The following GLG1 variants were observed in gnomAD, a reference collection of about 807,000 sequenced individuals.
GLG1 encodes the protein golgi glycoprotein 1, also known as Golgi apparatus protein 1.
A neutral mutation model predicts 160.5 loss-of-function variants in GLG1; 38 were observed. The ratio of observed to expected loss-of-function variants is 0.24; its 90% CI spans 0.18 to 0.31. GLG1 has a LOEUF of 0.31. Ranked by LOEUF, GLG1 falls within the 10% of genes least tolerant of loss-of-function variation. GLG1 has a pLI of 1.00. For missense variants in GLG1, 1,373 were observed against 1,505.2 expected (o/e 0.91, Z 1.45); for synonymous variants, 644 against 543.4 (o/e 1.19, Z -2.57).
chr16:74,483,219 G>A (rs1362871960), intron 9 of GLG1, 95 bp from the exon 10 acceptor site: 7 of 740,250 alleles, frequency 9.5e-6, no homozygotes, highest in South Asian at 9.4e-5. Flanking sequence ...GCGGCTTTTA[G>A]TTATTTTCTT....
chr16:74,580,328 A>T (rs1957910263), intron 1 of GLG1, among the ~76,000 whole-genome samples: 1 of 151,898 alleles, frequency 6.6e-6, no homozygotes, highest in African/African-American at 2.4e-5. Flanking sequence ...CTACAAAAAA[A>T]ACTAAAAAAA....
At chr16:74,505,994 C>T (rs1047735249) in intron 3 of GLG1, among the ~76,000 whole-genome samples, 2 of 136,404 alleles carry the variant, frequency 1.5e-5, no homozygotes, top group South Asian at 2.4e-4. Flanking sequence ...TGCACCACTG[C>T]ACTTCAGCCC....
intron 1 of GLG1, among the ~76,000 whole-genome samples, chr16:74,586,533 G>A (rs1958057621): frequency 6.6e-6 from 1 of 151,874 alleles, no homozygotes; most frequent in South Asian, 2.1e-4. Flanking sequence ...GGAGTGCAGT[G>A]GCACAATCAT....
intron 1 of GLG1, among the ~76,000 whole-genome samples, chr16:74,533,220 C>G (rs1195413784): frequency 6.6e-6 from 1 of 152,126 alleles, no homozygotes; most frequent in Admixed American, 6.5e-5. Context: ...ACTCTGGAGG[C>G]AGAGGCAGGA....
At chr16:74,473,493 G>A in intron 13 of GLG1, among the ~76,000 whole-genome samples, 1 of 142,102 alleles carries the variant, frequency 7.0e-6, no homozygotes, top group African/African-American at 2.7e-5. Flanking sequence ...GGGCTGGAGT[G>A]CAGTGGCGTG....
chr16:74,570,705 G>C (rs1267704766), intron 1 of GLG1, among the ~76,000 whole-genome samples: 1 of 152,114 alleles, frequency 6.6e-6, no homozygotes, highest in African/African-American at 2.4e-5. Flanking sequence ...AGACCAGCTT[G>C]GTCAACATAG....
In GLG1 at chr16:74,451,933, TG is replaced by T; in HGVS notation, c.*1233del. ...TACTAGAGTGGGTACACGCAGCAAA[TG>T]GACAGAAAGAAAAAAAACAGAGCAA... On this transcript the variant is annotated 3_prime_UTR_variant, in exon 26 of 26. Transcript: ENST00000422840. The T allele has an allele frequency of 1.3e-6, 1 of 756,208 alleles. No homozygotes were observed. The highest frequency in any genetic ancestry group is 2.3e-6 in the Non-Finnish European group (1 of 434,362). 46.8% of individuals were successfully genotyped at this position (756,208 alleles called of 1,614,324 possible).
rs931879613 is a variant in GLG1, at chr16:74,491,724, G to A, written c.1235-509C>T. ...GCGATCTCGGCTCACTGCAAGCTCC[G>A]TCTCTTGGGTTCACGCCATTCTCCT... On this transcript the variant is annotated intron_variant, in intron 7 of 25. Transcript: ENST00000422840. Among the ~76,000 whole-genome samples, 7 of 139,770 alleles carry A rather than the reference G, an allele frequency of 5.0e-5. No homozygotes were observed. In the East Asian group the frequency reaches 1.1e-3, roughly 21 times the overall value. The allele number at this position is 139,770 out of a possible 152,430, so 91.7% of individuals were successfully genotyped here. A position where few individuals can be genotyped will look rare whatever the true frequency, so the allele number is the denominator to read the frequency against.
intron 8 of GLG1, among the ~76,000 whole-genome samples, chr16:74,489,750 T>A (rs964819534): frequency 6.6e-6 from 1 of 152,206 alleles, no homozygotes; most frequent in African/African-American, 2.4e-5. Flanking sequence ...CACCATGGGA[T>A]GCATAGACAC....
intron 4 of GLG1, among the ~76,000 whole-genome samples, chr16:74,498,788 C>T (rs1446400640): frequency 7.8e-6 from 1 of 128,732 alleles, no homozygotes; most frequent in Non-Finnish European, 1.6e-5. Context: ...TTGCTTGAAT[C>T]TGGGAGGCGG....
At chr16:74,531,174 T>C (rs1419385033) in intron 2 of GLG1, among the ~76,000 whole-genome samples, 1 of 152,118 alleles carries the variant, frequency 6.6e-6, no homozygotes, top group Non-Finnish European at 1.5e-5. Flanking sequence ...TACCTAGGTT[T>C]TCGTAAGAGT....
intron 1 of GLG1, among the ~76,000 whole-genome samples, chr16:74,589,967 C>G (rs1032784272): frequency 6.7e-6 from 1 of 148,246 alleles, no homozygotes; most frequent in Non-Finnish European, 1.5e-5. Flanking sequence ...TAAAAATATA[C>G]CGATAGTACA....
intron 1 of GLG1, among the ~76,000 whole-genome samples, chr16:74,558,056 A>T (rs2018401046): frequency 6.6e-6 from 1 of 152,238 alleles, no homozygotes; most frequent in African/African-American, 2.4e-5. Flanking sequence ...GTAGTTAAAA[A>T]TTTAAAATAT....
chr16:74,587,303 T>A (rs1334637774), intron 1 of GLG1, among the ~76,000 whole-genome samples: 1 of 152,072 alleles, frequency 6.6e-6, no homozygotes, highest in African/African-American at 2.4e-5. Context: ...CAAACAGAAT[T>A]GGATAGTCTT....
At chr16:74,467,181 C>G (rs1295726281) in intron 18 of GLG1, among the ~76,000 whole-genome samples, 1 of 152,228 alleles carries the variant, frequency 6.6e-6, no homozygotes, top group East Asian at 1.9e-4. Context: ...CAGTCTGATA[C>G]AAGAGGACAA....
chr16:74,589,628 G>A (rs1052976806), intron 1 of GLG1, among the ~76,000 whole-genome samples: 3 of 152,228 alleles, frequency 2.0e-5, no homozygotes, highest in African/African-American at 4.8e-5. Context: ...GTGCGAAGCA[G>A]AGGCAAGCAG....
At chr16:74,586,635 T>G (rs1340018128) in intron 1 of GLG1, among the ~76,000 whole-genome samples, 1 of 152,042 alleles carries the variant, frequency 6.6e-6, no homozygotes, top group Non-Finnish European at 1.5e-5. Context: ...CCACCACGCC[T>G]GGCTAATTTT....
intron 1 of GLG1, among the ~76,000 whole-genome samples, chr16:74,593,666 C>G (rs1324222479): frequency 6.6e-6 from 1 of 152,024 alleles, no homozygotes; most frequent in Non-Finnish European, 1.5e-5. Context: ...AACTCCTGAC[C>G]TCAGGTGATC....
At position 74,503,700 on chromosome 16, in the gene GLG1, G is replaced by T. The variant is rs2016497856; in HGVS notation, c.605C>A (p.Ser202Tyr). ...DEPVGKGYMVSCLVDHRGNIT... is the reference protein window; with the variant it reads ...DEPVGKGYMVYCLVDHRGNIT... ...GTTGCCTCGGTGATCCACCAAGCAG[G>T]AAACCATGTAACCTTTTCCAACCGG... is the stretch of plus-strand genomic sequence containing the variant. The change falls in exon 4 of 26, where the codon TCC becomes TAC. Residue 202 changes from serine (S) to tyrosine (Y), a missense_variant. By Grantham distance (144) the Ser-to-Tyr change is moderately radical (BLOSUM62 -2). Around this residue, in one of 4 missense-constraint regions of GLG1, gnomAD observed 174 missense variants for 229.9 expected, o/e 0.76. Coordinates refer to ENST00000422840, the MANE Select transcript of GLG1 (RefSeq NM_001145667.2). 1 of 1,613,270 alleles carries T rather than the reference G, an allele frequency of 6.2e-7. No individual in the cohort carries two copies. Among genetic ancestry groups the T allele is most frequent in the Non-Finnish European group, 8.5e-7 (1 of 1,179,290 alleles).
Sources: allele counts gnomAD v4.1 joint callset (sites outside exome capture counted in the v4.1 genomes callset), GRCh38; gene constraint gnomAD v4.1.1; regional missense constraint gnomAD v4.1.1; transcripts MANE v1.5; gene names NCBI Gene and HGNC (gene_info 2026-07-23, HGNC 2026-07-21).